Variants in RANBP1 observed in about 807,000 individuals in gnomAD.
The protein encoded by RANBP1 is ran-specific GTPase-activating protein.
RANBP1 carries 16 observed loss-of-function variants against 31.4 expected under a neutral mutation model. That is an observed-to-expected ratio of 0.51 (90% CI 0.34 to 0.77). The LOEUF is 0.77. Ranked by LOEUF, RANBP1 falls within the 30% of genes least tolerant of loss-of-function variation. RANBP1 has a pLI of 0.01. For missense variants in RANBP1, 265 were observed against 362.0 expected (o/e 0.73, Z 2.17); for synonymous variants, 129 against 140.5 (o/e 0.92, Z 0.58).
chr22:20,117,670 G>T lies in RANBP1; in HGVS notation c.246+1240G>T, dbSNP rs1329790795. 8 of 1,189,690 alleles carry T rather than the reference G, an allele frequency of 6.7e-6. No individual in the cohort carries two copies. In the Admixed American group the frequency reaches 1.9e-4, roughly 28 times the overall value. 73.7% of individuals were successfully genotyped at this position (1,189,690 alleles called of 1,614,324 possible). A position where few individuals can be genotyped will look rare whatever the true frequency, so the allele number is the denominator to read the frequency against. ...CCCCCATGGCGGCCGCCAAGGTGCCGCCGGGCCCAAGCGGGGACAGGGTGG... is the reference window on the plus strand; with the variant it reads ...CCCCCATGGCGGCCGCCAAGGTGCCTCCGGGCCCAAGCGGGGACAGGGTGG... On this transcript the variant is annotated intron_variant, in intron 1 of 5. Coordinates refer to ENST00000430524, the MANE Select transcript of RANBP1 (RefSeq NM_001278639.2).
At chr22:20,116,570 C>A (rs2050028627) in intron 1 of RANBP1, 140 bp downstream of exon 1, 18 of 1,573,536 alleles carry the variant, frequency 1.1e-5, no homozygotes, top group Non-Finnish European at 1.4e-5. Flanking sequence ...CAGCTCAGGG[C>A]ACTGCTGCTC....
intron 1 of RANBP1, 125 bp downstream of exon 1, chr22:20,116,555 TA>T: frequency 6.3e-7 from 1 of 1,592,086 alleles, no homozygotes. Context: ...ACCGAGACGG[TA>T]GGGCAGCTCA....
Position 20,116,959 on chromosome 22 carries a change from A to G in RANBP1, c.246+529A>G, listed in dbSNP as rs900416811. The G allele has an allele frequency of 2.1e-5, 33 of 1,564,244 alleles. No homozygotes were observed. The Admixed American group carries it at 6.1e-4, about 29-fold the overall frequency. On this transcript the variant is annotated intron_variant, in intron 1 of 5. Coordinates refer to ENST00000430524, the MANE Select transcript of RANBP1 (RefSeq NM_001278639.2). ...GGGACGCCATGGGGGCCGCCTGGCC[A>G]CCTCGTCCTGGGCCTGTCACAAGGG...
chr22:20,125,038 G>A (rs1187348262), intron 3 of RANBP1: 6 of 435,880 alleles, frequency 1.4e-5, no homozygotes, highest in Admixed American at 3.8e-5. Flanking sequence ...GGAGCTCCTC[G>A]TGGAGATGGC....
intron 3 of RANBP1, chr22:20,122,627 CG>C: frequency 4.6e-6 from 7 of 1,512,194 alleles, no homozygotes; most frequent in Non-Finnish European, 6.2e-6. Context: ...TTAGAGCACA[CG>C]GGGGTGTGGA....
At chr22:20,122,685 C>T in intron 3 of RANBP1, 4 of 1,377,486 alleles carry the variant, frequency 2.9e-6, no homozygotes, top group Non-Finnish European at 3.8e-6. Flanking sequence ...CCAGGCTGGG[C>T]TCGGGACGAG....
At chr22:20,117,510 G>A in intron 1 of RANBP1, 1 of 1,310,924 alleles carries the variant, frequency 7.6e-7, no homozygotes, top group Non-Finnish European at 9.7e-7. Context: ...TCGAGGTTCG[G>A]GTCGTGGGGC....
rs1473537425 is a variant in RANBP1, at chr22:20,127,147, T to G, written c.*95T>G. 3 of 1,039,292 alleles carry G rather than the reference T, an allele frequency of 2.9e-6. No individual in the cohort carries two copies. The highest frequency in any genetic ancestry group is 3.3e-5 in the African/African-American group (2 of 61,386). The allele number at this position is 1,039,292 out of a possible 1,614,324, so 64.4% of individuals were successfully genotyped here. ...TTTTCGGTTTGTTTTTATTCTTTCA[T>G]TTTTACAAGGGACGTTATATAAAGA... On this transcript the variant is annotated 3_prime_UTR_variant, in exon 6 of 6. Coordinates refer to ENST00000430524, the MANE Select transcript of RANBP1 (RefSeq NM_001278639.2).
intron 1 of RANBP1, among the ~76,000 whole-genome samples, 154 bp from the exon 2 acceptor site, chr22:20,118,859 A>G (rs2050112480): frequency 6.6e-6 from 1 of 152,258 alleles, no homozygotes; most frequent in Admixed American, 6.5e-5. Context: ...CCTAGTGTGG[A>G]AGAGTGGGCC....
Position 20,116,388 on chromosome 22 carries a change from G to A in RANBP1, c.204G>A (p.Ala68=), listed in dbSNP as rs753247748. The part of the protein sequence containing the change: ...PRKRRTSLKL[A]WRGTFCSSSL... ...AGCGCCGGACGTCGCTGAAGCTGGC[G>A]TGGCGAGGCACGTTCTGCAGCTCCA... Residue 68 remains alanine (A), a synonymous_variant, in exon 1 of 6, where the codon GCG becomes GCA. Transcript: ENST00000430524. 2.5e-6 allele frequency: 4 copies of A among 1,611,976 alleles called. No individual in the cohort carries two copies. The highest frequency in any genetic ancestry group is 3.4e-6 in the Non-Finnish European group (4 of 1,179,204).
intron 1 of RANBP1, 51 bp downstream of exon 1, chr22:20,116,481 C>A (rs2050024236): frequency 1.2e-6 from 2 of 1,612,848 alleles, no homozygotes; most frequent in East Asian, 4.5e-5. Flanking sequence ...GAGGCCCCGG[C>A]CCTGTAGCCG....
intron 2 of RANBP1, chr22:20,119,460 G>A (rs2050127951): frequency 3.0e-6 from 1 of 328,996 alleles, no homozygotes; most frequent in South Asian, 3.6e-5. Flanking sequence ...GTTGAGCAGG[G>A]GGTTTTAAGT....
At chr22:20,116,697 C>G (rs1213964108) in intron 1 of RANBP1, 1 of 1,469,282 alleles carries the variant, frequency 6.8e-7, no homozygotes, top group African/African-American at 1.4e-5. Context: ...ACACCCAGAC[C>G]TCCGTCGGTG....
intron 2 of RANBP1, 158 bp downstream of exon 2, chr22:20,119,307 C>T (rs919415331): frequency 5.8e-6 from 4 of 688,934 alleles, no homozygotes; most frequent in Non-Finnish European, 9.8e-6. Context: ...TAACCCGTTC[C>T]TTTCATGAAT....
At chr22:20,117,102 A>G in intron 1 of RANBP1, 1 of 705,794 alleles carries the variant, frequency 1.4e-6, no homozygotes, top group South Asian at 1.9e-5. Flanking sequence ...CGAACCTGCG[A>G]TGCTCAGGTC....
intron 1 of RANBP1, chr22:20,117,634 C>T: frequency 1.6e-6 from 2 of 1,260,702 alleles, no homozygotes; most frequent in East Asian, 3.4e-5. Flanking sequence ...CGAGCCGCCG[C>T]CGCCGCCGCG....
rs199718994 is a variant in RANBP1, at chr22:20,116,227, C to T, written c.43C>T (p.Arg15Trp). Reference sequence around the variant, plus strand: ...CCGGGCCAGGCGCACACTGAGTGGGCGGCCTTTCCAGAGGGCACCATGCAA... The same window carrying T: ...CCGGGCCAGGCGCACACTGAGTGGGTGGCCTTTCCAGAGGGCACCATGCAA... ...LGRARRTLSG[R>W]PFQRAPCKTR... The change falls in exon 1 of 6, where the codon CGG (arginine) becomes TGG (tryptophan). Residue 15 changes from arginine to tryptophan, a missense_variant. By Grantham distance (101) the Arg-to-Trp change is moderately radical. Transcript: ENST00000430524. 2.7e-5 allele frequency: 43 copies of T among 1,612,950 alleles called. No homozygotes were observed. The highest frequency in any genetic ancestry group is 6.7e-5 in the East Asian group (3 of 44,878).
At chr22:20,117,669 C>T (rs1230215061) in intron 1 of RANBP1, 43 of 1,049,994 alleles carry the variant, frequency 4.1e-5, no homozygotes, top group Non-Finnish European at 4.2e-5. Context: ...GCCAAGGTGC[C>T]GCCGGGCCCA....
At position 20,122,424 on chromosome 22, in the gene RANBP1, A is replaced by G. The variant is rs2050191822; in HGVS notation, c.541+3A>G. 2 of 1,611,466 alleles carry G rather than the reference A, an allele frequency of 1.2e-6. No homozygotes were observed. Among genetic ancestry groups the G allele is most frequent in the Non-Finnish European group, 1.7e-6 (2 of 1,178,850 alleles). On this transcript the variant is annotated splice_donor_region_variant and intron_variant, in intron 3 of 5. Coordinates refer to ENST00000430524, the MANE Select transcript of RANBP1 (RefSeq NM_001278639.2). Reference sequence around the variant, plus strand: ...GAAGATCTGTGCCAACCACTACAGTAGGTGGCATGAACGACCACCTCGACA... The same window carrying G: ...GAAGATCTGTGCCAACCACTACAGTGGGTGGCATGAACGACCACCTCGACA...
Sources: gnomAD v4.1 joint callset for allele counts (sites outside exome capture counted in the v4.1 genomes callset) on GRCh38, gnomAD v4.1.1 for gene constraint, MANE v1.5 for transcripts, NCBI Gene and HGNC (gene_info 2026-07-23, HGNC 2026-07-21) for gene names.